Variants in CHD1 observed in about 807,000 individuals in gnomAD.
CHD1 encodes the protein chromodomain helicase DNA binding protein 1, also known as ATP-dependent chromatin remodeler CHD1.
In CHD1, 36 loss-of-function variants were observed where a neutral mutation model predicts 224.2. The ratio of observed to expected loss-of-function variants is 0.16; its 90% CI spans 0.12 to 0.21. The LOEUF (loss-of-function observed/expected upper bound fraction) is 0.21, where lower values mean the gene tolerates loss of function less well. Among genes scored for constraint, CHD1 ranks in the 10% least tolerant of loss-of-function variants. The pLI, the probability that CHD1 is intolerant of heterozygous loss-of-function variation, is 1.00. For synonymous variants in CHD1, 668 were observed against 658.3 expected, an observed-to-expected ratio of 1.01 and a Z score of -0.23; for missense variants, 1,378 against 1,994.8, an observed-to-expected ratio of 0.69 and a Z score of 5.89.
intron 34 of CHD1, 85 bp downstream of exon 34, chr5:98,858,879 C>CT (rs1748246584): frequency 2.4e-6 from 2 of 819,268 alleles, no homozygotes; most frequent in African/African-American, 1.8e-5. Flanking sequence ...AGGTAAGAAC[C>CT]TTTTTTATCA....
intron 17 of CHD1, among the ~76,000 whole-genome samples, chr5:98,887,694 T>A (rs1230436985): frequency 6.6e-6 from 1 of 152,146 alleles, no homozygotes; most frequent in Non-Finnish European, 1.5e-5. Context: ...AGCACACCAA[T>A]CATCAGAATC....
chr5:98,928,286 G>C (rs1292628463), intron 1 of CHD1, among the ~76,000 whole-genome samples: 1 of 152,048 alleles, frequency 6.6e-6, no homozygotes, highest in Non-Finnish European at 1.5e-5. Context: ...GGCCCGGTCG[G>C]CACCAAGCCG....
chr5:98,891,889 T>G (rs541754612), intron 15 of CHD1, among the ~76,000 whole-genome samples: 213 of 152,326 alleles, frequency 1.4e-3, no homozygotes, highest in Admixed American at 2.2e-3. Context: ...ATCCTATTTT[T>G]GTATATGTCT....
chr5:98,925,866 A>C (rs1277304211), intron 2 of CHD1, among the ~76,000 whole-genome samples: 1 of 150,990 alleles, frequency 6.6e-6, no homozygotes, highest in Admixed American at 6.6e-5. Context: ...TAGTATGACT[A>C]AGTAAATTCT....
intron 24 of CHD1, 140 bp downstream of exon 24, chr5:98,876,258 G>T: frequency 1.2e-6 from 1 of 802,866 alleles, no homozygotes; most frequent in Non-Finnish European, 2.0e-6. Flanking sequence ...CCCAAAAGCA[G>T]AACCACCCAA....
chr5:98,926,626 A>G (rs1753473465), intron 1 of CHD1, 92 bp from the exon 2 acceptor site: 1 of 281,362 alleles, frequency 3.6e-6, no homozygotes. Context: ...ACGTAGGCCA[A>G]TTAGACTACA....
intron 15 of CHD1, among the ~76,000 whole-genome samples, chr5:98,890,925 T>A (rs113939627): frequency 1.3e-5 from 2 of 152,194 alleles, no homozygotes; most frequent in African/African-American, 4.8e-5. Context: ...AATTGCCATA[T>A]ATGAACCTAT....
chr5:98,893,896 A>G (rs1186284284), intron 13 of CHD1, among the ~76,000 whole-genome samples: 1 of 152,160 alleles, frequency 6.6e-6, no homozygotes, highest in Non-Finnish European at 1.5e-5. Flanking sequence ...AATTTTTACA[A>G]AAGATTTTTA....
intron 30 of CHD1, 39 bp downstream of exon 30, chr5:98,869,715 T>G: frequency 8.1e-6 from 13 of 1,601,472 alleles, no homozygotes; most frequent in Non-Finnish European, 1.1e-5. Context: ...CATATTCCCT[T>G]TCCATAGAAA....
chr5:98,871,182 C>T (rs973431897), intron 28 of CHD1, among the ~76,000 whole-genome samples: 2 of 151,676 alleles, frequency 1.3e-5, no homozygotes, highest in African/African-American at 4.8e-5. Context: ...ACAGAAATTC[C>T]TAGACTACAA....
At position 98,873,592 on chromosome 5, in the gene CHD1, CCTGTTCGTT is replaced by C; in HGVS notation, c.3563_3571del (p.Glu1188_Thr1190del). 6.3e-7 allele frequency: 1 copy of C among 1,586,112 alleles called. No homozygotes were observed. The highest frequency in any genetic ancestry group is 8.6e-7 in the Non-Finnish European group (1 of 1,169,112). On this transcript the variant is annotated inframe_deletion and splice_region_variant, in exon 26 of 36. Transcript: ENST00000614616. ...TTAAATCACTCTCAGTTTAATGTTA[CCTGTTCGTT>C]CTGTTCCTGAAGAACTATCCTTTAA...
At chr5:98,884,762 G>A (rs1459378441) in intron 18 of CHD1, among the ~76,000 whole-genome samples, 11 of 151,082 alleles carry the variant, frequency 7.3e-5, no homozygotes, top group Non-Finnish European at 7.4e-5. Context: ...TATTGCCTGG[G>A]CTAGAGTCTA....
At chr5:98,860,673 A>C (rs984998491) in intron 32 of CHD1, 1 of 154,682 alleles carries the variant, frequency 6.5e-6, no homozygotes, top group Non-Finnish European at 1.4e-5. Context: ...CAAATTGTAT[A>C]CCTTAAATAT....
intron 7 of CHD1, among the ~76,000 whole-genome samples, chr5:98,900,398 C>A (rs1222227717): frequency 6.6e-6 from 1 of 151,602 alleles, no homozygotes; most frequent in African/African-American, 2.4e-5. Flanking sequence ...AAAAATCCAC[C>A]CTCTTAGCTT....
At chr5:98,916,380 T>C (rs1752732999) in intron 2 of CHD1, among the ~76,000 whole-genome samples, 1 of 149,842 alleles carries the variant, frequency 6.7e-6, no homozygotes, top group South Asian at 2.1e-4. Context: ...ATCCTGTTTC[T>C]ACTAAAAATA....
At chr5:98,899,853 G>T in intron 7 of CHD1, 148 bp from the exon 8 acceptor site, 1 of 578,624 alleles carries the variant, frequency 1.7e-6, no homozygotes, top group Non-Finnish European at 3.0e-6. Context: ...AAATTCTATT[G>T]CTCATAAATA....
At position 98,872,102 on chromosome 5, in the gene CHD1, A is replaced by G. The variant is rs111632201; in HGVS notation, c.3810T>C (p.Tyr1270=). 29 of 1,613,302 alleles carry G rather than the reference A, an allele frequency of 1.8e-5. No homozygotes were observed. The highest frequency in any genetic ancestry group is 1.7e-4 in the African/African-American group (13 of 74,912). Residue 1270 remains tyrosine, a synonymous_variant, in exon 28 of 36, where the codon TAT becomes TAC. Coordinates refer to ENST00000614616, the MANE Select transcript of CHD1 (RefSeq NM_001270.4). The part of the protein sequence containing the change: ...NLLIGIYEYG[Y]GSWEMIKMDP... ...CCATTTTAATCATTTCCCAGCTTCC[A>G]TATCCATATTCATAGATGCCAATTA...
At chr5:98,872,739 T>C (rs992409066) in intron 26 of CHD1, among the ~76,000 whole-genome samples, 184 bp from the exon 27 acceptor site, 1 of 152,214 alleles carries the variant, frequency 6.6e-6, no homozygotes, top group Non-Finnish European at 1.5e-5. Context: ...ATCTTGCAGA[T>C]GCAAATTCAC....
intron 2 of CHD1, among the ~76,000 whole-genome samples, chr5:98,914,305 G>T (rs567571355): frequency 1.2e-3 from 176 of 152,290 alleles, no homozygotes; most frequent in African/African-American, 4.0e-3. Context: ...CCCTTACCTA[G>T]GAGTGAAAGA....
Sources: gnomAD v4.1 joint callset for allele counts (sites outside exome capture counted in the v4.1 genomes callset) on GRCh38, gnomAD v4.1.1 for gene constraint, MANE v1.5 for transcripts, NCBI Gene and HGNC (gene_info 2026-07-23, HGNC 2026-07-21) for gene names.